The following SIRPA variants were observed in gnomAD, a reference collection of about 807,000 sequenced individuals.
SIRPA encodes the protein tyrosine-protein phosphatase non-receptor type substrate 1.
Under a neutral mutation model 50.3 loss-of-function variants are expected in SIRPA, and 9 were observed. The ratio of observed to expected loss-of-function variants is 0.18; its 90% confidence interval spans 0.11 to 0.31. The LOEUF (loss-of-function observed/expected upper bound fraction) is 0.31. SIRPA is among the 10% of genes least tolerant of loss of function. The pLI is 1.00. For missense variants in SIRPA, 474 were observed against 661.6 expected, an observed-to-expected ratio of 0.72 and a Z score of 3.11; for synonymous variants, 265 against 284.1, an observed-to-expected ratio of 0.93 and a Z score of 0.68.
In SIRPA at chr20:1,936,172, C is replaced by G. The variant is rs1986563573; in HGVS notation, c.1267-1148C>G. 6.6e-6 allele frequency among the ~76,000 whole-genome samples: 1 copy of G among 152,048 alleles called. No individual in the cohort carries two copies. The highest frequency in any genetic ancestry group is 1.5e-5 in the Non-Finnish European group (1 of 68,020). ...TAGGAGGTGTGCCGGTTGGTGGTAG[C>G]TTTATTCTGTTCTATCACGCAGGGG... is the stretch of plus-strand genomic sequence containing the variant. On this transcript the variant is annotated intron_variant, in intron 7 of 7. Transcript: ENST00000358771. The surrounding 1 kb of genome is among the most constrained non-coding windows in gnomAD (Gnocchi z 4.2).
chr20:1,940,002 G>C lies in SIRPA; in HGVS notation c.*2434G>C, dbSNP rs570875072. 5.2e-5 allele frequency: 8 copies of C among 152,410 alleles called. No individual in the cohort carries two copies. Among genetic ancestry groups the C allele is most frequent in the African/African-American group, 1.4e-4 (6 of 41,560 alleles). The allele number at this position is 152,410 out of a possible 1,614,324, so 9.4% of individuals were successfully genotyped here. A position where few individuals can be genotyped will look rare whatever the true frequency, so the allele number is the denominator to read the frequency against. On this transcript the variant is annotated 3_prime_UTR_variant, in exon 8 of 8. Coordinates refer to ENST00000358771, the MANE Select transcript of SIRPA (RefSeq NM_001040023.2). ...TGGAAGAGGATTGAATGGACCCCAG[G>C]GTTTGGAAACAACCTACAGCATTTG...
chr20:1,912,509 T>C (rs1044860009), intron 1 of SIRPA, among the ~76,000 whole-genome samples: 9 of 152,262 alleles, frequency 5.9e-5, no homozygotes, highest in Non-Finnish European at 1.3e-4. Context: ...GATGACACTG[T>C]GTTTTAGGCA....
chr20:1,924,711 GT>G lies in SIRPA; in HGVS notation c.1088-49del. ...GTGGTGAAAAGCAGTGGTGGGTTTG[GT>G]TTTCTGTTTTTAATCTGCATACGTG... On this transcript the variant is annotated intron_variant, in intron 4 of 7. Transcript: ENST00000358771. This position sits in a 1 kb window ranked among gnomAD's most constrained non-coding sequence, Gnocchi z 4.5. 6.7e-7 allele frequency: 1 copy of G among 1,496,500 alleles called. No homozygotes were observed. The highest frequency in any genetic ancestry group is 9.3e-7 in the Non-Finnish European group (1 of 1,075,210). The allele number at this position is 1,496,500 out of a possible 1,614,324, so 92.7% of individuals were successfully genotyped here.
intron 4 of SIRPA, among the ~76,000 whole-genome samples, chr20:1,923,976 G>A (rs933810496): frequency 7.6e-6 from 1 of 131,592 alleles, no homozygotes; most frequent in African/African-American, 3.1e-5. Flanking sequence ...TCAGTTGGTT[G>A]GCTGGTTGGT....
intron 1 of SIRPA, among the ~76,000 whole-genome samples, chr20:1,896,559 C>G (rs1983839678): frequency 6.6e-6 from 1 of 152,104 alleles, no homozygotes; most frequent in Non-Finnish European, 1.5e-5. Context: ...AGTGGGGTCT[C>G]TCTGTACCTC....
upstream of SIRPA, chr20:1,895,329 G>A: frequency 1.6e-6 from 1 of 617,852 alleles, no homozygotes. Flanking sequence ...CGGAGTCGGG[G>A]GGAGGCCCAG....
chr20:1,917,609 G>A (rs1985380781), intron 2 of SIRPA, among the ~76,000 whole-genome samples: 1 of 152,212 alleles, frequency 6.6e-6, no homozygotes, highest in Admixed American at 6.5e-5. Context: ...TCCTGCAGAT[G>A]TCTCATGATA....
At chr20:1,902,579 C>T (rs1037841273) in intron 1 of SIRPA, among the ~76,000 whole-genome samples, 3 of 152,158 alleles carry the variant, frequency 2.0e-5, no homozygotes, top group Non-Finnish European at 2.9e-5. Context: ...GTGCAGCAGA[C>T]ATTCTAGTGA....
At chr20:1,908,004 C>T (rs1229470944) in intron 1 of SIRPA, among the ~76,000 whole-genome samples, 3 of 152,212 alleles carry the variant, frequency 2.0e-5, no homozygotes, top group African/African-American at 7.2e-5. Flanking sequence ...GACAGCTGTG[C>T]CCTGTGGCCA....
intron 1 of SIRPA, among the ~76,000 whole-genome samples, chr20:1,899,217 A>C (rs1408075653): frequency 6.6e-6 from 1 of 151,200 alleles, no homozygotes; most frequent in Non-Finnish European, 1.5e-5. Context: ...AAAAAAAAAA[A>C]CAAAAAAACA....
chr20:1,904,622 C>G (rs150669206), intron 1 of SIRPA, among the ~76,000 whole-genome samples: 21 of 152,250 alleles, frequency 1.4e-4, no homozygotes, highest in African/African-American at 4.8e-4. Flanking sequence ...TGGGCAGCGT[C>G]GATGCTTATT....
chr20:1,925,104 C>T (rs1308678353), intron 5 of SIRPA, among the ~76,000 whole-genome samples: 2 of 152,166 alleles, frequency 1.3e-5, no homozygotes, highest in African/African-American at 2.4e-5. Context: ...GCCCCAGGCC[C>T]CGTGTCCTCA....
At position 1,927,737 on chromosome 20, in the gene SIRPA, G is replaced by A. The variant is rs549877520; in HGVS notation, c.1202-138G>A. On this transcript the variant is annotated intron_variant, in intron 5 of 7. Transcript: ENST00000358771. The surrounding 1 kb of genome is among the most constrained non-coding windows in gnomAD (Gnocchi z 6.5). ...GGATGCCCACTGGGTGGGCATGGGGGTCTCCTGTGGTTCCAAGGATGTGAT... is the reference window on the plus strand; with the variant it reads ...GGATGCCCACTGGGTGGGCATGGGGATCTCCTGTGGTTCCAAGGATGTGAT... 236 of 770,686 alleles carry A rather than the reference G, an allele frequency of 3.1e-4. 2 individuals are homozygous for A. Among genetic ancestry groups the A allele is most frequent in the South Asian group, 2.0e-3 (138 of 68,818 alleles). The allele number at this position is 770,686 out of a possible 1,614,324, so 47.7% of individuals were successfully genotyped here. A position where few individuals can be genotyped will look rare whatever the true frequency, so the allele number is the denominator to read the frequency against.
chr20:1,937,612 T>C lies in SIRPA; in HGVS notation c.*44T>C. The stretch of plus-strand genomic sequence containing the variant: ...CTAGCACCCATCTCTACGCGCTTTC[T>C]TGTCCCACAGGGAGCCGCCGTGATG... On this transcript the variant is annotated 3_prime_UTR_variant, in exon 8 of 8. Coordinates refer to ENST00000358771, the MANE Select transcript of SIRPA (RefSeq NM_001040023.2). The surrounding 1 kb of genome is among the most constrained non-coding windows in gnomAD (Gnocchi z 8.3). The C allele has an allele frequency of 6.3e-7, 1 of 1,598,750 alleles. No individual in the cohort carries two copies. The highest frequency in any genetic ancestry group is 8.5e-7 in the Non-Finnish European group (1 of 1,170,000).
intron 1 of SIRPA, among the ~76,000 whole-genome samples, chr20:1,897,742 G>A (rs1983917323): frequency 6.6e-6 from 1 of 152,000 alleles, no homozygotes; most frequent in Non-Finnish European, 1.5e-5. Flanking sequence ...CTGTTTTGGG[G>A]GGGTGGGGCC....
chr20:1,935,086 G>C lies in SIRPA; in HGVS notation c.1266+332G>C, dbSNP rs535179444. Among the ~76,000 whole-genome samples, 27 of 152,142 alleles carry C rather than the reference G, an allele frequency of 1.8e-4. No homozygotes were observed. The South Asian group carries it at 3.1e-3, about 18-fold the overall frequency. On this transcript the variant is annotated intron_variant, in intron 7 of 7. Coordinates refer to ENST00000358771, the MANE Select transcript of SIRPA (RefSeq NM_001040023.2). ...TTCCCATCTCTCTACATTTGCCCAGGCCCATCCCTCTACCAGGAGCGCCAC... is the reference window on the plus strand; with the variant it reads ...TTCCCATCTCTCTACATTTGCCCAGCCCCATCCCTCTACCAGGAGCGCCAC...
Position 1,936,799 on chromosome 20 carries a change from C to T in SIRPA, c.1267-521C>T, listed in dbSNP as rs1986600150. The stretch of plus-strand genomic sequence containing the variant: ...GCACCTCCTCAGGCCCCCAAACAGA[C>T]ATGGTCCTGGGTAGCGGGCCCTGTG... On this transcript the variant is annotated intron_variant, in intron 7 of 7. Transcript: ENST00000358771. The surrounding 1 kb of genome is among the most constrained non-coding windows in gnomAD (Gnocchi z 4.2). Among the ~76,000 whole-genome samples, 1 of 152,198 alleles carries T rather than the reference C, an allele frequency of 6.6e-6. No individual in the cohort carries two copies. The highest frequency in any genetic ancestry group is 2.4e-5 in the African/African-American group (1 of 41,458).
chr20:1,921,452 C>G lies in SIRPA; in HGVS notation c.494C>G (p.Thr165Arg). 6.2e-7 allele frequency: 1 copy of G among 1,613,886 alleles called. No individual in the cohort carries two copies. Among genetic ancestry groups the G allele is most frequent in the South Asian group, 1.1e-5 (1 of 91,070 alleles). Residue 165 changes from threonine (T) to arginine (R), a missense_variant, in exon 3 of 8, where the codon ACA becomes AGA. By Grantham distance (71) the Thr-to-Arg change is moderately conservative. Transcript: ENST00000358771. ...GCGGCGAGGGCCACACCTCAGCACA[C>G]AGTGAGCTTCACCTGCGAGTCCCAC... is the stretch of plus-strand genomic sequence containing the variant. Reference protein sequence around the residue: ...GPAARATPQHTVSFTCESHGF... With the variant: ...GPAARATPQHRVSFTCESHGF...
At position 1,937,457 on chromosome 20, in the gene SIRPA, C is replaced by G; in HGVS notation, c.1404C>G (p.Leu468=). The change falls in exon 8 of 8, where the codon CTC becomes CTG. Residue 468 remains leucine (L), a synonymous_variant. Coordinates refer to ENST00000358771, the MANE Select transcript of SIRPA (RefSeq NM_001040023.2). This position sits in a 1 kb window ranked among gnomAD's most constrained non-coding sequence, Gnocchi z 8.3. ...TSPQPASEDT[L]TYADLDMVHL... is the part of the protein sequence containing the mutation. ...CGCAGCCCGCGTCGGAGGACACCCT[C>G]ACCTATGCTGACCTGGACATGGTCC... 6.2e-7 allele frequency: 1 copy of G among 1,614,148 alleles called. No homozygotes were observed. The highest frequency in any genetic ancestry group is 8.5e-7 in the Non-Finnish European group (1 of 1,180,026).
Sources: gnomAD v4.1 joint callset for allele counts (sites outside exome capture counted in the v4.1 genomes callset) on GRCh38, gnomAD v4.1.1 for gene constraint, Gnocchi (gnomAD v3.1) non-coding constraint, MANE v1.5 for transcripts, NCBI Gene and HGNC (gene_info 2026-07-23, HGNC 2026-07-21) for gene names.